Variants in TARBP2 observed in about 807,000 individuals in gnomAD.
The protein encoded by TARBP2 is TARBP2 subunit of RISC loading complex.
A neutral mutation model predicts 40.4 loss-of-function variants in TARBP2; 23 were observed. That is an observed-to-expected ratio of 0.57 (90% CI 0.41 to 0.81). The LOEUF is 0.81. Ranked by LOEUF, TARBP2 falls within the 30% of genes least tolerant of loss-of-function variation. The pLI, the probability that TARBP2 is intolerant of heterozygous loss-of-function variation, is 0.00. For synonymous variants in TARBP2, 183 were observed against 190.5 expected, an observed-to-expected ratio of 0.96 and a Z score of 0.32; for missense variants, 358 against 473.7, an observed-to-expected ratio of 0.76 and a Z score of 2.27.
Position 53,505,336 on chromosome 12 carries a change from G to A in TARBP2, c.741+74G>A. Reference sequence around the variant, plus strand: ...GGCAGGGCTCCAGGGACTTGGGTCTGTGACTCAGCAGTGAGCCTCTCTGGG... The same window carrying A: ...GGCAGGGCTCCAGGGACTTGGGTCTATGACTCAGCAGTGAGCCTCTCTGGG... On this transcript the variant is annotated intron_variant, in intron 7 of 8. Coordinates refer to ENST00000266987, the MANE Select transcript of TARBP2 (RefSeq NM_134323.2). The surrounding 1 kb of genome is among the most constrained non-coding windows in gnomAD (Gnocchi z 4.5). 1.3e-6 allele frequency: 2 copies of A among 1,520,094 alleles called. No homozygotes were observed. Among genetic ancestry groups the A allele is most frequent in the Non-Finnish European group, 1.8e-6 (2 of 1,131,296 alleles). 94.2% of individuals were successfully genotyped at this position (1,520,094 alleles called of 1,614,324 possible).
Position 53,505,924 on chromosome 12 carries a change from C to G in TARBP2, c.944-67C>G, listed in dbSNP as rs146990453. ...AGCAAGTAGAAGGGGGTGATGATAA[C>G]GTGAACGCACCCCTCCCCAGGGCTA... On this transcript the variant is annotated intron_variant, in intron 8 of 8. Transcript: ENST00000266987. The surrounding 1 kb of genome is among the most constrained non-coding windows in gnomAD (Gnocchi z 4.5). The G allele has an allele frequency of 6.2e-7, 1 of 1,604,106 alleles. No homozygotes were observed. Among genetic ancestry groups the G allele is most frequent in the Non-Finnish European group, 8.5e-7 (1 of 1,172,386 alleles).
At position 53,506,072 on chromosome 12, in the gene TARBP2, C is replaced by G; in HGVS notation, c.1025C>G (p.Thr342Ser). 1 of 1,614,108 alleles carries G rather than the reference C, an allele frequency of 6.2e-7. No homozygotes were observed. The highest frequency in any genetic ancestry group is 8.5e-7 in the Non-Finnish European group (1 of 1,180,034). Reference protein sequence around the residue: ...QPATVCHGSATTREAARGEAA... With the variant: ...QPATVCHGSASTREAARGEAA... ...GCCACTGTGTGTCATGGCTCTGCAA[C>G]CACCAGGGAGGCAGCCCGTGGTGAG... Residue 342 changes from threonine to serine, a missense_variant, in exon 9 of 9, where the codon ACC becomes AGC. Coordinates refer to ENST00000266987, the MANE Select transcript of TARBP2 (RefSeq NM_134323.2).
chr12:53,503,868 C>T (rs1328851220), intron 4 of TARBP2, 60 bp downstream of exon 4: 2 of 1,364,400 alleles, frequency 1.5e-6, no homozygotes, highest in Admixed American at 3.4e-5. Context: ...TTTTTGGTCC[C>T]TCAGTCCTTG....
upstream of TARBP2, chr12:53,501,145 C>G (rs981369502): frequency 7.3e-6 from 4 of 548,626 alleles, no homozygotes; most frequent in African/African-American, 5.8e-5. Context: ...TCTCGAGAAG[C>G]GACGGCGGAG....
In TARBP2 at chr12:53,501,332, G is replaced by A; in HGVS notation, c.-77G>A. On this transcript the variant is annotated 5_prime_UTR_variant, in exon 1 of 9. Transcript: ENST00000266987. ...CGGCCGCGACTCCGGGCTTGGCCCC[G>A]GCCCTAGCTCGTCGGCTGTGTATTG... 1.3e-6 allele frequency: 2 copies of A among 1,519,090 alleles called. No individual in the cohort carries two copies. Among genetic ancestry groups the A allele is most frequent in the Non-Finnish European group, 1.8e-6 (2 of 1,122,178 alleles). The allele number at this position is 1,519,090 out of a possible 1,614,324, so 94.1% of individuals were successfully genotyped here. A position where few individuals can be genotyped will look rare whatever the true frequency, so the allele number is the denominator to read the frequency against.
At chr12:53,502,653 T>C in intron 2 of TARBP2, 1 of 217,824 alleles carries the variant, frequency 4.6e-6, no homozygotes, top group Admixed American at 5.5e-5. Flanking sequence ...GGCTGGTGCA[T>C]GGTCACATGC....
At chr12:53,501,667 A>G in intron 1 of TARBP2, 2 of 1,441,082 alleles carry the variant, frequency 1.4e-6, no homozygotes, top group Non-Finnish European at 1.8e-6. Context: ...CCCAGACTGC[A>G]CTGGAACACT....
chr12:53,501,504 G>C (rs1480879330), intron 1 of TARBP2, 43 bp downstream of exon 1: 21 of 1,552,726 alleles, frequency 1.4e-5, no homozygotes, highest in Non-Finnish European at 1.8e-5. Flanking sequence ...AAAAGCGTGG[G>C]GCCGTGCGGA....
At chr12:53,503,907 CTG>C in intron 4 of TARBP2, 99 bp downstream of exon 4, 2 of 887,468 alleles carry the variant, frequency 2.3e-6, no homozygotes, top group East Asian at 2.4e-5. Context: ...ATGAGGAAGT[CTG>C]AGAATAAACA....
chr12:53,504,890 C>T (rs949569505), intron 6 of TARBP2, 75 bp downstream of exon 6: 4 of 1,557,040 alleles, frequency 2.6e-6, no homozygotes, highest in Non-Finnish European at 3.5e-6. Context: ...CAGCTCCTGG[C>T]CTCACTCTGC....
chr12:53,503,199 C>A, intron 3 of TARBP2, 70 bp downstream of exon 3: 1 of 1,471,152 alleles, frequency 6.8e-7, no homozygotes, highest in South Asian at 1.4e-5. Context: ...CACTCTGCCC[C>A]GAGGCCTGGC....
intron 6 of TARBP2, 145 bp from the exon 7 acceptor site, chr12:53,504,990 T>A: frequency 6.8e-7 from 1 of 1,464,602 alleles, no homozygotes; most frequent in Non-Finnish European, 9.3e-7. Flanking sequence ...TCTCTCTGGC[T>A]GACCAGGTTC....
rs972079980 is a variant in TARBP2, at chr12:53,501,307, C to A, written c.-102C>A. 1.5e-6 allele frequency: 2 copies of A among 1,378,604 alleles called. No homozygotes were observed. Among genetic ancestry groups the A allele is most frequent in the Non-Finnish European group, 2.0e-6 (2 of 1,006,726 alleles). 85.4% of individuals were successfully genotyped at this position (1,378,604 alleles called of 1,614,324 possible). A position where few individuals can be genotyped will look rare whatever the true frequency, so the allele number is the denominator to read the frequency against. ...CAGCGTGCCCCGCGGCGGGCCCTAC[C>A]GGCCGCGACTCCGGGCTTGGCCCCG... On this transcript the variant is annotated 5_prime_UTR_variant, in exon 1 of 9. Transcript: ENST00000266987.
At position 53,503,264 on chromosome 12, in the gene TARBP2, T is replaced by G. The variant is rs1240038457; in HGVS notation, c.326+135T>G. On this transcript the variant is annotated intron_variant, in intron 3 of 8. Transcript: ENST00000266987. ...CTCTTCCTGAGAGTCCCTCTGGACC[T>G]GAACAGGGTTTTCCAGGGCTTCTGC... The G allele has an allele frequency of 3.6e-6, 5 of 1,404,788 alleles. No individual in the cohort carries two copies. The Admixed American group carries it at 1.3e-4, about 35-fold the overall frequency. The allele number at this position is 1,404,788 out of a possible 1,614,324, so 87.0% of individuals were successfully genotyped here. A position where few individuals can be genotyped will look rare whatever the true frequency, so the allele number is the denominator to read the frequency against.
chr12:53,503,313 G>C, intron 3 of TARBP2, 184 bp downstream of exon 3: 1 of 1,362,462 alleles, frequency 7.3e-7, no homozygotes, highest in Non-Finnish European at 9.6e-7. Context: ...TCTTGGGGTG[G>C]AGGGGTTGGT....
In TARBP2 at chr12:53,505,936, C is replaced by G. The variant is rs1222375191; in HGVS notation, c.944-55C>G. On this transcript the variant is annotated intron_variant, in intron 8 of 8. Coordinates refer to ENST00000266987, the MANE Select transcript of TARBP2 (RefSeq NM_134323.2). The surrounding 1 kb of genome is among the most constrained non-coding windows in gnomAD (Gnocchi z 4.5). ...GGGGTGATGATAACGTGAACGCACC[C>G]CTCCCCAGGGCTACCTCCCCCAACA... The G allele has an allele frequency of 3.1e-6, 5 of 1,604,708 alleles. No individual in the cohort carries two copies. In the Admixed American group the frequency reaches 8.4e-5, roughly 27 times the overall value.
chr12:53,504,720 GGCGGTT>G lies in TARBP2; in HGVS notation c.521_526del (p.Arg174_Leu175del). On this transcript the variant is annotated inframe_deletion, in exon 6 of 9. Transcript: ENST00000266987. ...AAGGAGCTGGTGGTGCAGAAAGGCTGGCGGTTGCCGGAGTACACAGTGACCCAGGAG... is the reference window on the plus strand; with the variant it reads ...AAGGAGCTGGTGGTGCAGAAAGGCTGGCCGGAGTACACAGTGACCCAGGAG... 1 of 1,614,164 alleles carries G rather than the reference GGCGGTT, an allele frequency of 6.2e-7. No individual in the cohort carries two copies. The highest frequency in any genetic ancestry group is 8.5e-7 in the Non-Finnish European group (1 of 1,180,044).
rs781411738 is a variant in TARBP2 at position 53,503,555 on chromosome 12, G to A, written c.327-158G>A. 212 of 618,580 alleles carry A rather than the reference G, an allele frequency of 3.4e-4. 1 individual carries two copies. Among genetic ancestry groups the A allele is most frequent in the Admixed American group, 1.0e-3 (35 of 34,260 alleles). 38.3% of individuals were successfully genotyped at this position (618,580 alleles called of 1,614,324 possible). A position where few individuals can be genotyped will look rare whatever the true frequency, so the allele number is the denominator to read the frequency against. ...CTTTTCGCCGGTGTTTGGCAGCAAA[G>A]GATCCGAGGAGGAAGCTGTTGGTTG... On this transcript the variant is annotated intron_variant, in intron 3 of 8. Coordinates refer to ENST00000266987, the MANE Select transcript of TARBP2 (RefSeq NM_134323.2).
intron 1 of TARBP2, chr12:53,501,738 G>C: frequency 7.0e-7 from 1 of 1,425,460 alleles, no homozygotes; most frequent in Non-Finnish European, 9.2e-7. Flanking sequence ...CTTGCACTGT[G>C]TCAGGGGGTA....
Sources: allele counts gnomAD v4.1 joint callset, GRCh38; gene constraint gnomAD v4.1.1; non-coding constraint Gnocchi (gnomAD v3.1); transcripts MANE v1.5; gene names NCBI Gene and HGNC (gene_info 2026-07-23, HGNC 2026-07-21).